EYS: variants seen among roughly 807,000 people sequenced by gnomAD.
EYS encodes EGF-like photoreceptor maintenance factor, also known as protein eyes shut homolog.
Under a neutral mutation model 282.1 loss-of-function variants are expected in EYS, and 250 were observed. The observed-to-expected ratio is 0.89, with a 90% CI of 0.80 to 0.98. The LOEUF (loss-of-function observed/expected upper bound fraction) is 0.98. EYS is among the 50% of genes least tolerant of loss of function. The pLI is 0.00. For synonymous variants in EYS, 1,355 were observed against 1,282.9 expected, an observed-to-expected ratio of 1.06 and a Z score of -1.20; for missense variants, 4,016 against 3,709.0, an observed-to-expected ratio of 1.08 and a Z score of -2.15.
At chr6:64,118,186 A>C (rs1470345171) in intron 31 of EYS, among the ~76,000 whole-genome samples, 1 of 152,108 alleles carries the variant, frequency 6.6e-6, no homozygotes, top group African/African-American at 2.4e-5. Flanking sequence ...GAAATAGATA[A>C]AACTATGCTG....
chr6:64,981,580 C>T (rs903677670), intron 14 of EYS, among the ~76,000 whole-genome samples: 10 of 151,170 alleles, frequency 6.6e-5, no homozygotes, highest in African/African-American at 1.9e-4. Context: ...GTCAGGTAAC[C>T]GAAGCATAGA....
intron 12 of EYS, among the ~76,000 whole-genome samples, chr6:65,176,661 A>C (rs1041182085): frequency 7.9e-5 from 12 of 151,664 alleles, no homozygotes; most frequent in Admixed American, 7.2e-4. Context: ...GTGAAAAGTG[A>C]GGAAGTATTT....
At chr6:64,502,741 C>A (rs1777095395) in intron 26 of EYS, among the ~76,000 whole-genome samples, 1 of 151,840 alleles carries the variant, frequency 6.6e-6, no homozygotes, top group Admixed American at 6.6e-5. Context: ...GGAAAACTAA[C>A]ATAAATCCAT....
intron 33 of EYS, among the ~76,000 whole-genome samples, chr6:64,025,066 C>T (rs1402202551): frequency 6.6e-6 from 1 of 152,144 alleles, no homozygotes; most frequent in East Asian, 1.9e-4. Flanking sequence ...TGAGTACCAT[C>T]AGACGCCTTT....
chr6:64,250,905 A>T (rs1468859848), intron 30 of EYS, among the ~76,000 whole-genome samples: 1 of 152,224 alleles, frequency 6.6e-6, no homozygotes, highest in Non-Finnish European at 1.5e-5. Flanking sequence ...AAAAAAGAAC[A>T]TTAAATTATT....
intron 11 of EYS, among the ~76,000 whole-genome samples, chr6:65,333,263 T>C (rs1769862091): frequency 6.6e-6 from 1 of 151,628 alleles, no homozygotes; most frequent in South Asian, 2.1e-4. Context: ...AAGTCTTTTC[T>C]AATTTCTCTT....
intron 11 of EYS, among the ~76,000 whole-genome samples, chr6:65,306,260 C>T (rs954549931): frequency 1.3e-5 from 2 of 152,190 alleles, no homozygotes; most frequent in African/African-American, 4.8e-5. Context: ...AAGAGTTGAA[C>T]TTCACGTAGC....
intron 41 of EYS, among the ~76,000 whole-genome samples, chr6:63,750,149 TA>T (rs931911904): frequency 2.1e-4 from 32 of 152,328 alleles, no homozygotes; most frequent in Non-Finnish European, 2.4e-4. Context: ...TGTTCATGCA[TA>T]ATTTTCCTGA....
chr6:64,912,660 C>G lies in EYS; in HGVS notation c.2465G>C (p.Gly822Ala). Residue 822 changes from glycine to alanine, a missense_variant, in exon 16 of 43, where the codon GGT becomes GCT. Gly to Ala is a moderately conservative substitution (Grantham distance 60, BLOSUM62 0). Coordinates refer to ENST00000503581, the MANE Select transcript of EYS (RefSeq NM_001142800.2). ...AGGGATGGTAGATTCATGACAAAGA[C>G]CTCCATTCATGCATGGATCAGAGTC... is the stretch of plus-strand genomic sequence containing the variant. Reference protein sequence around the residue: ...ECDSDPCMNGGLCHESTIPGQ... With the variant: ...ECDSDPCMNGALCHESTIPGQ... 6.5e-7 allele frequency: 1 copy of G among 1,547,586 alleles called. No individual in the cohort carries two copies. The highest frequency in any genetic ancestry group is 8.7e-7 in the Non-Finnish European group (1 of 1,144,004).
chr6:65,016,655 C>T (rs1772062687), intron 13 of EYS, among the ~76,000 whole-genome samples: 1 of 152,024 alleles, frequency 6.6e-6, no homozygotes, highest in South Asian at 2.1e-4. Flanking sequence ...TCAAGTCATC[C>T]AACTTCAATA....
chr6:64,546,514 G>C (rs1764874416), intron 26 of EYS, among the ~76,000 whole-genome samples: 2 of 152,140 alleles, frequency 1.3e-5, no homozygotes, highest in South Asian at 4.1e-4. Context: ...AGCCAAAATT[G>C]ACAAATGGGA....
chr6:63,874,446 T>C (rs1772908056), intron 35 of EYS, among the ~76,000 whole-genome samples: 1 of 152,196 alleles, frequency 6.6e-6, no homozygotes, highest in Non-Finnish European at 1.5e-5. Context: ...ACAGCTTTGT[T>C]CTTTTGGCTT....
intron 8 of EYS, among the ~76,000 whole-genome samples, chr6:65,376,918 A>C (rs1582208977): frequency 6.6e-6 from 1 of 152,316 alleles, no homozygotes; most frequent in African/African-American, 2.4e-5. Context: ...CCCTCACAGT[A>C]ATAGTGGGAG....
At chr6:65,674,306 A>G (rs1253287467) in intron 1 of EYS, among the ~76,000 whole-genome samples, 3 of 151,938 alleles carry the variant, frequency 2.0e-5, no homozygotes, top group Non-Finnish European at 4.4e-5. Flanking sequence ...GCATAAACTC[A>G]AAGAAGACAA....
intron 29 of EYS, among the ~76,000 whole-genome samples, chr6:64,351,064 C>G (rs1307571872): frequency 1.3e-5 from 1 of 76,286 alleles, no homozygotes; most frequent in East Asian, 2.5e-4. Flanking sequence ...TCAATGAAAC[C>G]TCTTTTTTTT....
At chr6:65,375,508 G>C (rs1159735831) in intron 8 of EYS, among the ~76,000 whole-genome samples, 1 of 152,004 alleles carries the variant, frequency 6.6e-6, no homozygotes, top group Admixed American at 6.6e-5. Flanking sequence ...CTCCTCTCCA[G>C]CAAGGGCACA....
chr6:64,437,620 T>C (rs1046206353), intron 27 of EYS, among the ~76,000 whole-genome samples: 1 of 151,650 alleles, frequency 6.6e-6, no homozygotes, highest in African/African-American at 2.4e-5. Context: ...TGATTTAAAT[T>C]GGTAAATGAA....
intron 12 of EYS, among the ~76,000 whole-genome samples, chr6:65,230,466 C>T (rs1422430495): frequency 6.6e-6 from 1 of 151,888 alleles, no homozygotes; most frequent in Non-Finnish European, 1.5e-5. Flanking sequence ...TATTTTTATA[C>T]AATGCCATAC....
At chr6:65,612,535 A>C (rs564880418) in intron 2 of EYS, among the ~76,000 whole-genome samples, 1 of 151,882 alleles carries the variant, frequency 6.6e-6, no homozygotes, top group Non-Finnish European at 1.5e-5. Context: ...CTCATGAACA[A>C]ATTCCTAACC....
Sources: allele counts gnomAD v4.1 joint callset (sites outside exome capture counted in the v4.1 genomes callset), GRCh38; gene constraint gnomAD v4.1.1; transcripts MANE v1.5; gene names NCBI Gene and HGNC (gene_info 2026-07-23, HGNC 2026-07-21).